RBFOX1: variants seen among roughly 807,000 people sequenced by gnomAD.
RBFOX1 encodes RNA binding fox-1 homolog 1.
In RBFOX1, 8 loss-of-function variants were observed where a neutral mutation model predicts 57.7. The observed-to-expected ratio is 0.14, with a 90% confidence interval of 0.08 to 0.25. The LOEUF is 0.25. Among genes scored for constraint, RBFOX1 ranks in the 10% least tolerant of loss-of-function variants. The pLI, the probability that RBFOX1 is intolerant of heterozygous loss-of-function variation, is 1.00. For synonymous variants in RBFOX1, 326 were observed against 222.4 expected (o/e 1.47, Z -4.15); for missense variants, 611 against 548.5 (o/e 1.11, Z -1.14).
At chr16:5,365,827 C>G in intron 1 of RBFOX1, 1 of 517,738 alleles carries the variant, frequency 1.9e-6, no homozygotes, top group Admixed American at 2.0e-5. Context: ...GACATGAGCC[C>G]CCTGAGGCCC....
At chr16:6,637,389 ATT>A (rs1313912177) in intron 2 of RBFOX1, among the ~76,000 whole-genome samples, 2 of 12,060 alleles carry the variant, frequency 1.7e-4, no homozygotes, top group East Asian at 7.5e-3. Flanking sequence ...ACAAATATAT[ATT>A]ATATATTAAA....
chr16:6,627,877 T>G (rs1170316458), intron 2 of RBFOX1, among the ~76,000 whole-genome samples: 1 of 152,192 alleles, frequency 6.6e-6, no homozygotes, highest in Non-Finnish European at 1.5e-5. Flanking sequence ...ACAAAGCATT[T>G]AGACATCTTA....
chr16:6,656,737 T>TA (rs1169936972), intron 3 of RBFOX1, among the ~76,000 whole-genome samples: 6 of 152,150 alleles, frequency 3.9e-5, no homozygotes, highest in African/African-American at 1.4e-4. Context: ...ATATGACTGA[T>TA]AGATAAATTT....
intron 1 of RBFOX1, chr16:5,240,156 C>A (rs963379542): frequency 9.6e-6 from 12 of 1,250,230 alleles, no homozygotes; most frequent in Non-Finnish European, 1.3e-5. Context: ...GCGGGGGTGC[C>A]GGAGACGCGG....
chr16:5,426,995 T>C (rs2067580314), intron 1 of RBFOX1, among the ~76,000 whole-genome samples: 2 of 152,206 alleles, frequency 1.3e-5, no homozygotes, highest in South Asian at 2.1e-4. Context: ...TCCAGCTGAG[T>C]GTAGGGCCCT....
At chr16:6,395,317 T>G (rs2092779682) in intron 2 of RBFOX1, among the ~76,000 whole-genome samples, 1 of 152,184 alleles carries the variant, frequency 6.6e-6, no homozygotes, top group Admixed American at 6.5e-5. Flanking sequence ...GCTCAAAGTC[T>G]CCTGAGTCAA....
At chr16:6,121,865 T>C (rs1220463238) in intron 1 of RBFOX1, among the ~76,000 whole-genome samples, 6 of 152,204 alleles carry the variant, frequency 3.9e-5, no homozygotes, top group Non-Finnish European at 1.5e-5. Context: ...ACCTGTAAAA[T>C]GCCTAAGACA....
intron 1 of RBFOX1, among the ~76,000 whole-genome samples, chr16:6,236,067 G>A (rs73525330): frequency 0.012 from 1,752 of 152,288 alleles, 18 homozygotes; most frequent in Middle Eastern, 0.058. Flanking sequence ...TAGGAAATGG[G>A]AGGCTATTTG....
chr16:7,385,645 C>T (rs749904074), intron 4 of RBFOX1, among the ~76,000 whole-genome samples: 5 of 152,126 alleles, frequency 3.3e-5, no homozygotes, highest in Non-Finnish European at 7.4e-5. Flanking sequence ...GTTTTCAAAA[C>T]CTGTACCTGG....
chr16:5,756,559 A>G (rs1426484079), intron 3 of RBFOX1, among the ~76,000 whole-genome samples: 1 of 152,166 alleles, frequency 6.6e-6, no homozygotes, highest in Admixed American at 6.5e-5. Context: ...TTGAGGAGTA[A>G]TGAATAAAGA....
intron 2 of RBFOX1, among the ~76,000 whole-genome samples, chr16:6,560,264 C>G (rs1334279212): frequency 4.7e-5 from 7 of 150,358 alleles, no homozygotes; most frequent in Non-Finnish European, 1.5e-5. Context: ...GATGCCTGAG[C>G]AAATTGTGTT....
chr16:7,193,378 C>A (rs1210400691), intron 4 of RBFOX1, among the ~76,000 whole-genome samples: 5 of 152,212 alleles, frequency 3.3e-5, no homozygotes, highest in African/African-American at 1.2e-4. Context: ...CCACAAACTC[C>A]TTAATTGTAG....
intron 4 of RBFOX1, among the ~76,000 whole-genome samples, chr16:7,128,712 G>T (rs1259816443): frequency 6.6e-6 from 1 of 152,078 alleles, no homozygotes; most frequent in African/African-American, 2.4e-5. Flanking sequence ...TCTACCACTT[G>T]ATGGGAGGAT....
At position 6,801,297 on chromosome 16, in the gene RBFOX1, T is replaced by C. The variant is rs533536320; in HGVS notation, c.-16+146647T>C. Among the ~76,000 whole-genome samples, 8 of 151,550 alleles carry C rather than the reference T, an allele frequency of 5.3e-5. No homozygotes were observed. In the East Asian group the frequency reaches 9.7e-4, roughly 18 times the overall value. On this transcript the variant is annotated intron_variant, in intron 3 of 15. Coordinates refer to ENST00000550418, the MANE Select transcript of RBFOX1 (RefSeq NM_018723.4). ...TGATGATTTTGTCCTTTAGAACATATAAATGGGATCTACAGTTGAGAGAGA... is the reference window on the plus strand; with the variant it reads ...TGATGATTTTGTCCTTTAGAACATACAAATGGGATCTACAGTTGAGAGAGA...
intron 3 of RBFOX1, among the ~76,000 whole-genome samples, chr16:6,942,279 C>T (rs944355436): frequency 3.3e-5 from 5 of 152,036 alleles, no homozygotes; most frequent in Non-Finnish European, 5.9e-5. Flanking sequence ...GACTCCATCT[C>T]ACAAACAAAA....
intron 4 of RBFOX1, among the ~76,000 whole-genome samples, chr16:7,329,769 C>T (rs551357852): frequency 4.7e-4 from 72 of 152,272 alleles, no homozygotes; most frequent in Middle Eastern, 3.4e-3. Flanking sequence ...ATTTGTAACT[C>T]AAGAACAGCA....
intron 4 of RBFOX1, among the ~76,000 whole-genome samples, chr16:6,013,214 A>C (rs1302006203): frequency 6.6e-6 from 1 of 152,222 alleles, no homozygotes; most frequent in Non-Finnish European, 1.5e-5. Flanking sequence ...TATTTCTAAA[A>C]GATGAATGAT....
At chr16:5,336,542 C>T (rs548986244) in intron 1 of RBFOX1, among the ~76,000 whole-genome samples, 3 of 152,282 alleles carry the variant, frequency 2.0e-5, no homozygotes, top group African/African-American at 7.2e-5. Flanking sequence ...ATGGTCAGAC[C>T]TGTGGACAAC....
intron 3 of RBFOX1, among the ~76,000 whole-genome samples, chr16:5,820,248 A>C (rs1271785690): frequency 1.3e-5 from 2 of 152,082 alleles, no homozygotes; most frequent in Non-Finnish European, 2.9e-5. Flanking sequence ...CATTCTCTTA[A>C]CCGCCATGCT....
Sources: allele counts gnomAD v4.1 joint callset (sites outside exome capture counted in the v4.1 genomes callset), GRCh38; gene constraint gnomAD v4.1.1; transcripts MANE v1.5; gene names NCBI Gene and HGNC (gene_info 2026-07-23, HGNC 2026-07-21).